The following CDT1 variants were observed in gnomAD, a reference collection of about 807,000 sequenced individuals.
CDT1 encodes the protein DNA replication factor Cdt1.
A neutral mutation model predicts 49.3 loss-of-function variants in CDT1; 66 were observed. That is an observed-to-expected ratio of 1.34 (90% CI 1.10 to 1.64). The LOEUF (loss-of-function observed/expected upper bound fraction) is 1.64, where lower values mean the gene tolerates loss of function less well. CDT1 is among the 40% of genes most tolerant of loss of function. The probability of loss-of-function intolerance (pLI) is 0.00; values close to 1 mark genes in which losing one functional copy is unlikely to be tolerated. For synonymous variants in CDT1, 424 were observed against 347.4 expected (o/e 1.22, Z -2.45); for missense variants, 958 against 807.7 (o/e 1.19, Z -2.26).
rs754011010 is a variant in CDT1, at chr16:88,803,980, G to GCGCC, written c.162_165dup (p.Ala56ArgfsTer68). On this transcript the variant is annotated frameshift_variant, in exon 1 of 10. Coordinates refer to ENST00000301019, the MANE Select transcript of CDT1 (RefSeq NM_030928.4). LOFTEE classifies it high-confidence loss of function. ...TCCGCTACCAGTGGCAGCCGCAAGC[G>GCGCC]CGCCCGCCCGCCCGCCGCCCCCGGA... 43 of 1,441,040 alleles carry GCGCC rather than the reference G, an allele frequency of 3.0e-5. No individual in the cohort carries two copies. The highest frequency in any genetic ancestry group is 3.5e-5 in the Non-Finnish European group (39 of 1,101,904). 89.3% of individuals were successfully genotyped at this position (1,441,040 alleles called of 1,614,324 possible).
intron 4 of CDT1, 37 bp from the exon 5 acceptor site, chr16:88,805,687 C>T (rs377399257): frequency 6.2e-6 from 10 of 1,612,406 alleles, no homozygotes; most frequent in African/African-American, 2.7e-5. Flanking sequence ...GGGGTGGGCC[C>T]GGGCCTGCCT....
At position 88,805,625 on chromosome 16, in the gene CDT1, A is replaced by G. The variant is rs1228011401; in HGVS notation, c.674A>G (p.Asp225Gly). 1.2e-6 allele frequency: 2 copies of G among 1,612,684 alleles called. No individual in the cohort carries two copies. The highest frequency in any genetic ancestry group is 1.7e-6 in the Non-Finnish European group (2 of 1,179,946). The change falls in exon 4 of 10, where the codon GAC becomes GGC. Residue 225 changes from aspartate (D) to glycine (G), a missense_variant. Coordinates refer to ENST00000301019, the MANE Select transcript of CDT1 (RefSeq NM_030928.4). ...TFAKVQRGVQ[D>G]MMRRRFEECN... ...GCCAAGGTCCAGCGGGGCGTCCAGG[A>G]CATGATGCGTAGGTGAGTGGCCGGG... is the stretch of plus-strand genomic sequence containing the variant.
intron 7 of CDT1, 107 bp from the exon 8 acceptor site, chr16:88,806,944 T>C: frequency 7.0e-7 from 1 of 1,419,334 alleles, no homozygotes; most frequent in Non-Finnish European, 9.9e-7. Flanking sequence ...GACCACCCAG[T>C]GTGCTGGGTG....
At chr16:88,807,540 G>A in intron 9 of CDT1, 58 bp downstream of exon 9, 1 of 1,490,284 alleles carries the variant, frequency 6.7e-7, no homozygotes, top group Non-Finnish European at 9.3e-7. Flanking sequence ...TGCTGCAGCT[G>A]CCTCCCCAGC....
rs1441638368 is a variant in CDT1 at position 88,808,884 on chromosome 16, T to C, written c.*606T>C. ...GGTGGTGGGCACCTGTCGTCCCAGC[T>C]ACTAGGGAGGCTGAGGCAGGAGAAT... is the stretch of plus-strand genomic sequence containing the variant. On this transcript the variant is annotated 3_prime_UTR_variant, in exon 10 of 10. Coordinates refer to ENST00000301019, the MANE Select transcript of CDT1 (RefSeq NM_030928.4). 1 of 159,864 alleles carries C rather than the reference T, an allele frequency of 6.3e-6. No individual in the cohort carries two copies. The highest frequency in any genetic ancestry group is 1.4e-5 in the Non-Finnish European group (1 of 72,628). The allele number at this position is 159,864 out of a possible 1,614,324, so 9.9% of individuals were successfully genotyped here.
At chr16:88,807,790 C>T (rs985325894) in intron 9 of CDT1, among the ~76,000 whole-genome samples, 2 of 152,236 alleles carry the variant, frequency 1.3e-5, no homozygotes, top group African/African-American at 4.8e-5. Flanking sequence ...CACTGCCTCC[C>T]AGGCCTCTGG....
chr16:88,807,009 T>G, intron 7 of CDT1, 42 bp from the exon 8 acceptor site: 1 of 1,612,340 alleles, frequency 6.2e-7, no homozygotes, highest in Non-Finnish European at 8.5e-7. Flanking sequence ...AGGGGCACGT[T>G]GCATCTTGTG....
chr16:88,806,145 T>G (rs780714733), intron 6 of CDT1, 24 bp downstream of exon 6: 27 of 1,552,578 alleles, frequency 1.7e-5, no homozygotes, highest in South Asian at 4.6e-5. Context: ...GGCCCCGCTG[T>G]GTGAAGATGG....
chr16:88,808,393 A>C lies in CDT1; in HGVS notation c.*115A>C. The C allele has an allele frequency of 1.6e-6, 2 of 1,247,572 alleles. No homozygotes were observed. 77.3% of individuals were successfully genotyped at this position (1,247,572 alleles called of 1,614,324 possible). A position where few individuals can be genotyped will look rare whatever the true frequency, so the allele number is the denominator to read the frequency against. On this transcript the variant is annotated 3_prime_UTR_variant, in exon 10 of 10. Transcript: ENST00000301019. ...GGCCTTCCTTTCCCCAGCGCCCCTG[A>C]GGGCCAGAGGCAGATGTGGGCTGCA...
Position 88,805,839 on chromosome 16 carries a change from C to T in CDT1, c.802C>T (p.Gln268Ter), listed in dbSNP as rs776483689. 7 of 1,613,014 alleles carry T rather than the reference C, an allele frequency of 4.3e-6. No individual in the cohort carries two copies. The highest frequency in any genetic ancestry group is 1.7e-5 in the Admixed American group (1 of 60,010). Residue 268 changes from glutamine (Q) to a stop codon, truncating the protein, a stop_gained, in exon 5 of 10, where the codon CAG becomes TAG. Coordinates refer to ENST00000301019, the MANE Select transcript of CDT1 (RefSeq NM_030928.4). LOFTEE classifies it high-confidence loss of function. ...FKDGTRRSDYQLTIEPLLEQE... is the reference protein window; with the variant it reads ...FKDGTRRSDY ...GGATGGCACCAGGAGGTCAGATTAC[C>T]AGCTCACCATCGAGCCACTGCTGGA...
chr16:88,807,143 C>T lies in CDT1; in HGVS notation c.1215C>T (p.Ala405=). The change falls in exon 8 of 10, where the codon GCC becomes GCT. Residue 405 remains alanine (A), a synonymous_variant. Coordinates refer to ENST00000301019, the MANE Select transcript of CDT1 (RefSeq NM_030928.4). The part of the protein sequence containing the change: ...PRPALPATPP[A]TPPAASPSAL... ...CAGCACTGCCGGCTACCCCACCAGC[C>T]ACCCCGCCTGCAGCCTCTCCCAGTG... 1 of 1,612,516 alleles carries T rather than the reference C, an allele frequency of 6.2e-7. No individual in the cohort carries two copies. The highest frequency in any genetic ancestry group is 8.5e-7 in the Non-Finnish European group (1 of 1,179,838).
At position 88,808,115 on chromosome 16, in the gene CDT1, G is replaced by A. The variant is rs755069633; in HGVS notation, c.1478G>A (p.Gly493Glu). Residue 493 changes from glycine (G) to glutamate (E), a missense_variant and splice_region_variant, in exon 10 of 10, where the codon GGG (glycine) becomes GAG (glutamate). By Grantham distance (98) the Gly-to-Glu change is moderately conservative. Transcript: ENST00000301019. ...VGSCCTIMSPGEMEKHLLLLS... is the reference protein window; with the variant it reads ...VGSCCTIMSPEEMEKHLLLLS... ...TCAGTGTCCTCCTCTCCTCCCCCAG[G>A]GGAAATGGAGAAGCACCTGCTGCTC... 3 of 1,612,308 alleles carry A rather than the reference G, an allele frequency of 1.9e-6. No homozygotes were observed. Among genetic ancestry groups the A allele is most frequent in the Non-Finnish European group, 8.5e-7 (1 of 1,179,770 alleles).
rs776540941 is a variant in CDT1 at position 88,806,474 on chromosome 16, CCTT to C, written c.934-9_934-7del. On this transcript the variant is annotated splice_polypyrimidine_tract_variant and intron_variant, in intron 6 of 9. Transcript: ENST00000301019. ...ATGTGCCCAGGGTCACCCATCTACT[CCTT>C]CTCCCCAGGCCTTCCTGGCCTCCCT... 27 of 1,609,632 alleles carry C rather than the reference CCTT, an allele frequency of 1.7e-5. No individual in the cohort carries two copies. Among genetic ancestry groups the C allele is most frequent in the Middle Eastern group, 1.6e-4 (1 of 6,084 alleles).
At chr16:88,805,018 A>C in intron 3 of CDT1, 120 bp downstream of exon 3, 49 of 1,357,890 alleles carry the variant, frequency 3.6e-5, no homozygotes, top group Non-Finnish European at 4.5e-5. Context: ...TGGTGAGGTC[A>C]CCAGGGCGCG....
chr16:88,803,801 T>A lies in CDT1; in HGVS notation c.-31T>A, dbSNP rs886961096. ...CGCCCGCCTCTTCCTCCCTTCCTTC[T>A]TTCCTTGCTTTCGCCGCGCACTCCG... On this transcript the variant is annotated 5_prime_UTR_variant, in exon 1 of 10. Coordinates refer to ENST00000301019, the MANE Select transcript of CDT1 (RefSeq NM_030928.4). 1 of 1,493,268 alleles carries A rather than the reference T, an allele frequency of 6.7e-7. No individual in the cohort carries two copies. The highest frequency in any genetic ancestry group is 1.2e-5 in the South Asian group (1 of 86,736). 92.5% of individuals were successfully genotyped at this position (1,493,268 alleles called of 1,614,324 possible).
chr16:88,806,775 C>T, intron 7 of CDT1, 101 bp downstream of exon 7: 10 of 1,429,108 alleles, frequency 7.0e-6, no homozygotes, highest in Non-Finnish European at 9.6e-6. Context: ...CTTGACGCCT[C>T]ATCTGGCTTC....
At chr16:88,805,395 G>T in intron 3 of CDT1, 45 bp from the exon 4 acceptor site, 10 of 1,607,036 alleles carry the variant, frequency 6.2e-6, no homozygotes, top group Non-Finnish European at 8.5e-6. Flanking sequence ...GCGTTGGAGG[G>T]GTAGGGGCCT....
Position 88,808,218 on chromosome 16 carries a change from G to A in CDT1, c.1581G>A (p.Ala527=), listed in dbSNP as rs77893539. Residue 527 remains alanine (A), a synonymous_variant, in exon 10 of 10, where the codon GCG becomes GCA. Transcript: ENST00000301019. Reference sequence around the variant, plus strand: ...CCTACGTCAAGCTGGACAAGGCCGCGGACCTCGCCCACATCACTGCACGCC... The same window carrying A: ...CCTACGTCAAGCTGGACAAGGCCGCAGACCTCGCCCACATCACTGCACGCC... ...TDTYVKLDKA[A]DLAHITARLA... is the part of the protein sequence containing the mutation. 1.4e-3 allele frequency: 2,230 copies of A among 1,610,794 alleles called. 12 individuals carry two copies. In the African/African-American group the frequency reaches 0.021, roughly 15 times the overall value.
rs145394645 is a variant in CDT1, at chr16:88,807,378, C to G, written c.1373C>G (p.Ala458Gly). The G allele has an allele frequency of 8.7e-6, 14 of 1,612,670 alleles. No homozygotes were observed. Among genetic ancestry groups the G allele is most frequent in the Non-Finnish European group, 1.2e-5 (14 of 1,179,954 alleles). ...LQRLERLPEL[A>G]RVLRSVFVSE... ...CGCTTAGAACGGCTGCCTGAGCTGG[C>G]CCGCGTGCTGCGGAGCGTCTTTGTG... Residue 458 changes from alanine to glycine, a missense_variant, in exon 9 of 10, where the codon GCC (alanine) becomes GGC (glycine). Coordinates refer to ENST00000301019, the MANE Select transcript of CDT1 (RefSeq NM_030928.4).
Sources: allele counts gnomAD v4.1 joint callset (sites outside exome capture counted in the v4.1 genomes callset), GRCh38; gene constraint gnomAD v4.1.1; transcripts MANE v1.5; gene names NCBI Gene and HGNC (gene_info 2026-07-23, HGNC 2026-07-21).